DNAH10: variants seen among roughly 807,000 people sequenced by gnomAD.
The protein encoded by DNAH10 is dynein axonemal heavy chain 10.
Under a neutral mutation model 506.6 loss-of-function variants are expected in DNAH10, and 348 were observed. The ratio of observed to expected loss-of-function variants is 0.69; its 90% CI spans 0.63 to 0.75. The LOEUF is 0.75. Among genes scored for constraint, DNAH10 ranks in the 30% least tolerant of loss-of-function variants. DNAH10 has a pLI of 0.00. For missense variants in DNAH10, 5,179 were observed against 5,787.1 expected (o/e 0.89, Z 3.41); for synonymous variants, 2,059 against 2,198.6 (o/e 0.94, Z 1.78).
At chr12:123,904,920 C>T (rs2137319811) in intron 57 of DNAH10, among the ~76,000 whole-genome samples, 1 of 152,310 alleles carries the variant, frequency 6.6e-6, no homozygotes, top group Admixed American at 6.5e-5. Flanking sequence ...CTGTGGTCAC[C>T]TTCCCACACT....
At chr12:123,914,207 C>A in intron 60 of DNAH10, 122 bp from the exon 61 acceptor site, 1 of 873,470 alleles carries the variant, frequency 1.1e-6, no homozygotes, top group Non-Finnish European at 1.7e-6. Context: ...AAGAATATCT[C>A]AAAACATGTT....
At position 123,929,525 on chromosome 12, in the gene DNAH10, C is replaced by T. The variant is rs368073109; in HGVS notation, c.12516+41C>T. Reference sequence around the variant, plus strand: ...TCTCCTTGGAAATGGCTTCCTTAGGCGGCCCACTTCCTCCCGACTTTCCTC... The same window carrying T: ...TCTCCTTGGAAATGGCTTCCTTAGGTGGCCCACTTCCTCCCGACTTTCCTC... On this transcript the variant is annotated intron_variant, in intron 71 of 78. Transcript: ENST00000673944. The T allele has an allele frequency of 5.5e-5, 88 of 1,595,132 alleles. No homozygotes were observed. In the African/African-American group the frequency reaches 8.7e-4, roughly 16 times the overall value.
At chr12:123,852,252 C>A (rs1017579475) in intron 35 of DNAH10, among the ~76,000 whole-genome samples, 1 of 152,182 alleles carries the variant, frequency 6.6e-6, no homozygotes, top group Admixed American at 6.5e-5. Flanking sequence ...TATGTAGATT[C>A]AAAAACAACT....
chr12:123,847,218 TTATCTATCTATCTATCTATC>T (rs61214034), intron 32 of DNAH10, among the ~76,000 whole-genome samples: 120 of 142,836 alleles, frequency 8.4e-4, no homozygotes, highest in East Asian at 2.3e-3. Context: ...ATCCATCCTA[TTATCTATCTATCTATCTATC>T]TATCTATCTA....
intron 51 of DNAH10, among the ~76,000 whole-genome samples, chr12:123,883,188 T>C (rs1952585015): frequency 6.6e-6 from 1 of 152,274 alleles, no homozygotes; most frequent in African/African-American, 2.4e-5. Context: ...TGCACAAGTT[T>C]CTGTGTGGAC....
intron 2 of DNAH10, among the ~76,000 whole-genome samples, chr12:123,770,963 T>A (rs1328699917): frequency 6.9e-6 from 1 of 145,818 alleles, no homozygotes; most frequent in Non-Finnish European, 1.5e-5. Context: ...GCTAACATGC[T>A]AGCTGTAATT....
At chr12:123,883,393 G>A (rs1405944651) in intron 51 of DNAH10, among the ~76,000 whole-genome samples, 1 of 152,170 alleles carries the variant, frequency 6.6e-6, no homozygotes. Context: ...GGTTCCACAG[G>A]TAACTCACCT....
At chr12:123,835,830 G>A (rs1961079901) in intron 28 of DNAH10, among the ~76,000 whole-genome samples, 1 of 152,120 alleles carries the variant, frequency 6.6e-6, no homozygotes, top group Non-Finnish European at 1.5e-5. Context: ...TTGCTATGTT[G>A]TCCAGGCTGG....
At chr12:123,808,612 T>G (rs1433974937) in intron 18 of DNAH10, among the ~76,000 whole-genome samples, 185 bp from the exon 19 acceptor site, 1 of 152,178 alleles carries the variant, frequency 6.6e-6, no homozygotes, top group Non-Finnish European at 1.5e-5. Flanking sequence ...ATGAACTGTT[T>G]GTATAAATTT....
intron 43 of DNAH10, among the ~76,000 whole-genome samples, chr12:123,868,862 G>T (rs918467746): frequency 6.6e-6 from 1 of 152,168 alleles, no homozygotes; most frequent in Non-Finnish European, 1.5e-5. Context: ...TGCTTTATTC[G>T]GTGGGAGTCT....
chr12:123,932,238 A>G (rs767066633), intron 76 of DNAH10, 130 bp downstream of exon 76: 117 of 1,100,884 alleles, frequency 1.1e-4, no homozygotes, highest in Non-Finnish European at 1.5e-4. Context: ...TGCTCTGGAA[A>G]TGGTCTGAGA....
chr12:123,838,584 T>C lies in DNAH10; in HGVS notation c.5031T>C (p.Asp1677=). 1.2e-6 allele frequency: 2 copies of C among 1,614,014 alleles called. No individual in the cohort carries two copies. The highest frequency in any genetic ancestry group is 1.7e-6 in the Non-Finnish European group (2 of 1,179,890). The change falls in exon 29 of 79, where the codon GAT becomes GAC. Residue 1677 remains aspartate (D), a synonymous_variant. Transcript: ENST00000673944. ...KCQKSLNDYL[D]SKRNAFPRFF... is the part of the protein sequence containing the mutation. ...AGAAAAGCCTCAACGACTACTTAGA[T>C]TCGAAGAGAAATGCTTTCCCAAGGT...
At chr12:123,823,192 C>A (rs554911784) in intron 24 of DNAH10, among the ~76,000 whole-genome samples, 3 of 152,288 alleles carry the variant, frequency 2.0e-5, no homozygotes, top group South Asian at 4.1e-4. Flanking sequence ...CCAGGCAGAG[C>A]GCTGGGCAGG....
chr12:123,789,632 C>A (rs1277771315), intron 10 of DNAH10, among the ~76,000 whole-genome samples: 1 of 152,128 alleles, frequency 6.6e-6, no homozygotes, highest in Admixed American at 6.5e-5. Flanking sequence ...GATCCGCCCC[C>A]CTCAGCCTCC....
At position 123,879,314 on chromosome 12, in the gene DNAH10, G is replaced by GACC; in HGVS notation, c.8424_8425insCCA (p.Arg2808_Val2809insPro). On this transcript the variant is annotated inframe_insertion, in exon 49 of 79. Transcript: ENST00000673944. ...AGAGTCTGGAGGAATGAGTGTCTGAGAGTCTTCCACGACCGGCTGATCAGT... is the reference window on the plus strand; with the variant it reads ...AGAGTCTGGAGGAATGAGTGTCTGAGACCAGTCTTCCACGACCGGCTGATCAGT... The GACC allele has an allele frequency of 6.3e-7, 1 of 1,579,974 alleles. No individual in the cohort carries two copies. Among genetic ancestry groups the GACC allele is most frequent in the Non-Finnish European group, 8.6e-7 (1 of 1,162,420 alleles).
intron 53 of DNAH10, among the ~76,000 whole-genome samples, chr12:123,894,190 A>G (rs565561744): frequency 9.2e-4 from 138 of 149,904 alleles, no homozygotes; most frequent in African/African-American, 1.9e-3. Context: ...TCCTGGGCTC[A>G]AATGAGCCTC....
At chr12:123,809,944 C>T (rs1201449704) in intron 19 of DNAH10, among the ~76,000 whole-genome samples, 1 of 152,164 alleles carries the variant, frequency 6.6e-6, no homozygotes, top group Non-Finnish European at 1.5e-5. Context: ...CATTCTGCTC[C>T]CCTGACCTTC....
chr12:123,820,551 A>G, intron 23 of DNAH10, 29 bp from the exon 24 acceptor site: 1 of 1,597,448 alleles, frequency 6.3e-7, no homozygotes, highest in African/African-American at 1.3e-5. Context: ...AATTGTATTT[A>G]TTCACTCATC....
At chr12:123,799,042 A>G (rs577036089) in intron 13 of DNAH10, among the ~76,000 whole-genome samples, 1 of 147,320 alleles carries the variant, frequency 6.8e-6, no homozygotes, top group Non-Finnish European at 1.5e-5. Flanking sequence ...GAGGCGAAGG[A>G]TGTAGTGAGC....
Sources: gnomAD v4.1 joint callset for allele counts (sites outside exome capture counted in the v4.1 genomes callset) on GRCh38, gnomAD v4.1.1 for gene constraint, MANE v1.5 for transcripts, NCBI Gene and HGNC (gene_info 2026-07-23, HGNC 2026-07-21) for gene names.